Variants in FUNDC1 observed in about 807,000 individuals in gnomAD.
FUNDC1 encodes the protein FUN14 domain containing 1.
A neutral mutation model predicts 14.5 loss-of-function variants in FUNDC1; 10 were observed. The ratio of observed to expected loss-of-function variants is 0.69; its 90% CI spans 0.43 to 1.17. The LOEUF (loss-of-function observed/expected upper bound fraction) is 1.17. Ranked by LOEUF, FUNDC1 falls within the 50% of genes most tolerant of loss-of-function variation. The probability of loss-of-function intolerance (pLI) is 0.00; values close to 1 mark genes in which losing one functional copy is unlikely to be tolerated. For missense variants in FUNDC1, 115 were observed against 113.8 expected, an observed-to-expected ratio of 1.01 and a Z score of -0.05; for synonymous variants, 33 against 39.7, an observed-to-expected ratio of 0.83 and a Z score of 0.64.
At chrX:44,524,540 G>T (rs1477731824) in intron 4 of FUNDC1, among the ~76,000 whole-genome samples, 1 of 110,961 alleles carries the variant, frequency 9.0e-6, no homozygotes, top group Non-Finnish European at 1.9e-5. Context: ...ATGTGAATAT[G>T]CTTAATGCCA....
intron 3 of FUNDC1, among the ~76,000 whole-genome samples, chrX:44,535,254 G>T (rs1403949670): frequency 9.0e-6 from 1 of 111,380 alleles, no homozygotes; most frequent in African/African-American, 3.3e-5. Context: ...CGTATACCAG[G>T]CCTAGAAAGC....
chrX:44,526,367 T>C (rs1231549873), intron 4 of FUNDC1, among the ~76,000 whole-genome samples: 6 of 105,831 alleles, frequency 5.7e-5, no homozygotes, highest in Admixed American at 2.1e-4. Context: ...GAGGCGAAGG[T>C]TGCAGTGAGC....
At chrX:44,538,115 G>A (rs1261407506) in intron 3 of FUNDC1, among the ~76,000 whole-genome samples, 1 of 111,721 alleles carries the variant, frequency 9.0e-6, no homozygotes, top group Non-Finnish European at 1.9e-5. Flanking sequence ...CCAAGTAGCT[G>A]GGACTACTAC....
intron 3 of FUNDC1, among the ~76,000 whole-genome samples, chrX:44,531,966 A>ATGAC (rs2038927647): frequency 1.8e-5 from 2 of 112,008 alleles, no homozygotes; most frequent in Non-Finnish European, 1.9e-5. Context: ...ATATAAATAA[A>ATGAC]TGACTGAATA....
At chrX:44,532,559 T>TA (rs1569187782) in intron 3 of FUNDC1, among the ~76,000 whole-genome samples, 40 of 103,519 alleles carry the variant, frequency 3.9e-4, no homozygotes, top group Middle Eastern at 4.9e-3. Context: ...ATATATATAT[T>TA]TTTTTTTTTT....
chrX:44,524,266 A>C lies in FUNDC1; in HGVS notation c.400T>G (p.Phe134Val). 1 of 1,197,339 alleles carries C rather than the reference A, an allele frequency of 8.4e-7. No individual in the cohort carries two copies. The highest frequency in any genetic ancestry group is 1.8e-5 in the South Asian group (1 of 56,420). ...INNLIEEATEFIKQNIVISSG... is the reference protein window; with the variant it reads ...INNLIEEATEVIKQNIVISSG... ...GATATCACAATGTTCTGCTTGATAA[A>C]TTCTGTTGCCTGAAACAAAGTTTAA... is the stretch of plus-strand genomic sequence containing the variant. The change falls in exon 5 of 5, where the codon TTT becomes GTT. Residue 134 changes from phenylalanine (F) to valine (V), a missense_variant. Phe to Val is a conservative substitution (Grantham distance 50). Coordinates refer to ENST00000378045, the MANE Select transcript of FUNDC1 (RefSeq NM_173794.4).
In FUNDC1 at chrX:44,534,924, A is replaced by G. The variant is rs745864295; in HGVS notation, c.261+3543T>C. Among the ~76,000 whole-genome samples, 54 of 111,798 alleles carry G rather than the reference A, an allele frequency of 4.8e-4. 1 individual carries two copies. The highest frequency in any genetic ancestry group is 4.7e-3 in the Admixed American group (49 of 10,478). On this transcript the variant is annotated intron_variant, in intron 3 of 4. Transcript: ENST00000378045. ...CACTTTGGGAGGCCAAGGCGGGTGG[A>G]ATGCTTGAGCCCAGGAGTTCGAGAC... is the stretch of plus-strand genomic sequence containing the variant.
chrX:44,535,318 A>G (rs986546667), intron 3 of FUNDC1, among the ~76,000 whole-genome samples: 1 of 110,491 alleles, frequency 9.1e-6, no homozygotes, highest in Non-Finnish European at 1.9e-5. Context: ...AAACTGATGA[A>G]CTATTTGATA....
intron 3 of FUNDC1, among the ~76,000 whole-genome samples, chrX:44,532,259 G>A (rs1301404968): frequency 1.8e-5 from 2 of 109,248 alleles, no homozygotes; most frequent in Non-Finnish European, 3.8e-5. Context: ...GCCAGACAGT[G>A]GTGTGCGCCT....
At chrX:44,533,646 AAAAC>A (rs1296428125) in intron 3 of FUNDC1, among the ~76,000 whole-genome samples, 1 of 105,593 alleles carries the variant, frequency 9.5e-6, no homozygotes, top group African/African-American at 3.5e-5. Context: ...AAAAAAAAAA[AAAAC>A]AACAAAACAA....
intron 3 of FUNDC1, among the ~76,000 whole-genome samples, chrX:44,528,285 G>T (rs2038909789): frequency 8.9e-6 from 1 of 112,011 alleles, no homozygotes; most frequent in Non-Finnish European, 1.9e-5. Context: ...GCATAAACAG[G>T]CTGACTAGAA....
intron 4 of FUNDC1, 111 bp from the exon 5 acceptor site, chrX:44,524,386 G>A: frequency 2.0e-6 from 1 of 509,824 alleles, no homozygotes; most frequent in Non-Finnish European, 3.4e-6. Flanking sequence ...GATATTACAT[G>A]ATTCTGCTCG....
Position 44,542,313 on chromosome X carries a change from C to T in FUNDC1, c.29-212G>A, listed in dbSNP as rs994595605. On this transcript the variant is annotated intron_variant, in intron 1 of 4. Transcript: ENST00000378045. Reference sequence around the variant, plus strand: ...GCAACAATGACCCCCATCTGCTTTCCCAAAGGCCCGGGGACCAGCCTGGGG... The same window carrying T: ...GCAACAATGACCCCCATCTGCTTTCTCAAAGGCCCGGGGACCAGCCTGGGG... 20 of 403,715 alleles carry T rather than the reference C, an allele frequency of 5.0e-5. No homozygotes were observed. The Admixed American group carries it at 5.1e-4, about 10-fold the overall frequency. 33.3% of individuals were successfully genotyped at this position (403,715 alleles called of 1,213,427 possible). A position where few individuals can be genotyped will look rare whatever the true frequency, so the allele number is the denominator to read the frequency against.
intron 3 of FUNDC1, among the ~76,000 whole-genome samples, chrX:44,530,405 A>G: frequency 9.0e-6 from 1 of 110,964 alleles, no homozygotes; most frequent in East Asian, 2.8e-4. Flanking sequence ...CAGGAGTTCA[A>G]GACCAGCCTG....
Position 44,531,285 on chromosome X carries a change from CGGCTT to C in FUNDC1, c.262-3925_262-3921del, listed in dbSNP as rs1274637775. ...ACACACACACACACACACACACACA[CGGCTT>C]TCAGATGAAGATTCATGTTGGCCAG... On this transcript the variant is annotated intron_variant, in intron 3 of 4. Transcript: ENST00000378045. Among the ~76,000 whole-genome samples, 284 of 52,437 alleles carry C rather than the reference CGGCTT, an allele frequency of 5.4e-3. 42 individuals carry two copies. The highest frequency in any genetic ancestry group is 0.012 in the African/African-American group (55 of 4,512). 45.5% of individuals were successfully genotyped at this position (52,437 alleles called of 115,157 possible).
At chrX:44,528,883 GA>G (rs1302177706) in intron 3 of FUNDC1, among the ~76,000 whole-genome samples, 1 of 110,428 alleles carries the variant, frequency 9.1e-6, no homozygotes, top group Non-Finnish European at 1.9e-5. Flanking sequence ...TTTTAGTAGA[GA>G]AGGGGTTTCA....
At chrX:44,539,625 G>A (rs1424187641) in intron 2 of FUNDC1, among the ~76,000 whole-genome samples, 1 of 111,451 alleles carries the variant, frequency 9.0e-6, no homozygotes, top group Non-Finnish European at 1.9e-5. Flanking sequence ...CAGACTTCTA[G>A]CCTCCAGAAC....
chrX:44,538,664 T>C, intron 2 of FUNDC1, 122 bp from the exon 3 acceptor site: 1 of 508,591 alleles, frequency 2.0e-6, no homozygotes. Context: ...TCACATCCCT[T>C]ACCTGCTCAG....
At position 44,523,745 on chromosome X, in the gene FUNDC1, T is replaced by TA. The variant is rs200619955; in HGVS notation, c.*452dup. 1.7e-3 allele frequency: 181 copies of TA among 104,245 alleles called. No homozygotes were observed. Among genetic ancestry groups the TA allele is most frequent in the African/African-American group, 5.7e-3 (164 of 28,709 alleles). The allele number at this position is 104,245 out of a possible 1,213,427, so 8.6% of individuals were successfully genotyped here. A position where few individuals can be genotyped will look rare whatever the true frequency, so the allele number is the denominator to read the frequency against. ...TTTTTAACTTATTGCAAACATATCT[T>TA]AAAAAAAAAAAGTCAGCCTTAATAC... On this transcript the variant is annotated 3_prime_UTR_variant, in exon 5 of 5. Coordinates refer to ENST00000378045, the MANE Select transcript of FUNDC1 (RefSeq NM_173794.4).
Sources: gnomAD v4.1 joint callset for allele counts (sites outside exome capture counted in the v4.1 genomes callset) on GRCh38, gnomAD v4.1.1 for gene constraint, MANE v1.5 for transcripts, NCBI Gene and HGNC (gene_info 2026-07-23, HGNC 2026-07-21) for gene names.